The following PPARD variants were observed in gnomAD, a reference collection of about 807,000 sequenced individuals.
PPARD encodes the protein peroxisome proliferator activated receptor delta.
A neutral mutation model predicts 39.5 loss-of-function variants in PPARD; 6 were observed. That is an observed-to-expected ratio of 0.15 (90% CI 0.08 to 0.30). The LOEUF (loss-of-function observed/expected upper bound fraction) is 0.30, where lower values mean the gene tolerates loss of function less well. Among genes scored for constraint, PPARD ranks in the 10% least tolerant of loss-of-function variants. PPARD has a pLI of 1.00. For missense variants in PPARD, 397 were observed against 596.8 expected, an observed-to-expected ratio of 0.67 and a Z score of 3.49; for synonymous variants, 210 against 231.3, an observed-to-expected ratio of 0.91 and a Z score of 0.83.
At chr6:35,348,632 A>G in intron 2 of PPARD, 6 of 985,298 alleles carry the variant, frequency 6.1e-6, no homozygotes, top group Non-Finnish European at 7.2e-6. Context: ...CTCTGCCTTT[A>G]ACACCCTGCA....
At chr6:35,396,528 T>C (rs560873626) in intron 2 of PPARD, among the ~76,000 whole-genome samples, 1 of 126,770 alleles carries the variant, frequency 7.9e-6, no homozygotes, top group African/African-American at 4.3e-5. Flanking sequence ...TTAAATTGTT[T>C]TTATTAAAAA....
In PPARD at chr6:35,420,819, C is replaced by CTTTTTTTTTTTT. The variant is rs35852986; in HGVS notation, c.285+552_285+563dup. 1.6e-4 allele frequency among the ~76,000 whole-genome samples: 14 copies of CTTTTTTTTTTTT among 85,740 alleles called. 1 individual carries two copies. Among genetic ancestry groups the CTTTTTTTTTTTT allele is most frequent in the African/African-American group, 2.5e-4 (6 of 23,706 alleles). 56.2% of individuals were successfully genotyped at this position (85,740 alleles called of 152,430 possible). On this transcript the variant is annotated intron_variant, in intron 4 of 7. Transcript: ENST00000360694. ...TTATGTTACCAAACTAACAAAGAAGCTTTTTTTTTTTTTTTTTTTTTTTTT... is the reference window on the plus strand; with the variant it reads ...TTATGTTACCAAACTAACAAAGAAGCTTTTTTTTTTTTTTTTTTTTTTTTTTTTTTTTTTTTT...
In PPARD at chr6:35,348,691, T is replaced by C. The variant is rs986293435; in HGVS notation, c.-102+1541T>C. On this transcript the variant is annotated intron_variant, in intron 2 of 7. Transcript: ENST00000360694. ...TGGTGAGTCCCTGTGTCTCTCTGTC[T>C]GTGGGGGTCAGGTTGTTTGTAGATC... 5.1e-6 allele frequency: 5 copies of C among 985,252 alleles called. No homozygotes were observed. In the South Asian group the frequency reaches 2.3e-4, roughly 46 times the overall value. 61.0% of individuals were successfully genotyped at this position (985,252 alleles called of 1,614,324 possible). A position where few individuals can be genotyped will look rare whatever the true frequency, so the allele number is the denominator to read the frequency against.
At chr6:35,351,409 C>T (rs977651643) in intron 2 of PPARD, among the ~76,000 whole-genome samples, 2 of 152,118 alleles carry the variant, frequency 1.3e-5, no homozygotes, top group African/African-American at 2.4e-5. Flanking sequence ...GGGTGACATT[C>T]GTTAATATCA....
intron 2 of PPARD, among the ~76,000 whole-genome samples, chr6:35,347,455 G>C (rs1760931909): frequency 6.6e-6 from 1 of 152,130 alleles, no homozygotes; most frequent in African/African-American, 2.4e-5. Context: ...ATAGTGCCTG[G>C]CACAGAGGAG....
chr6:35,386,021 T>A (rs981620786), intron 2 of PPARD, among the ~76,000 whole-genome samples: 3 of 152,094 alleles, frequency 2.0e-5, no homozygotes, highest in Non-Finnish European at 4.4e-5. Flanking sequence ...GGTTGGACTG[T>A]GACCCTGGGC....
At position 35,363,664 on chromosome 6, in the gene PPARD, G is replaced by A. The variant is rs77646605; in HGVS notation, c.-102+16514G>A. On this transcript the variant is annotated intron_variant, in intron 2 of 7. Coordinates refer to ENST00000360694, the MANE Select transcript of PPARD (RefSeq NM_006238.5). This position sits in a 1 kb window ranked among gnomAD's most constrained non-coding sequence, Gnocchi z 4.5. ...AGAGTCAGAAAGTGGGAAGTCACGG[G>A]GGAGATGAAGGGCGAGTGAGCAGCT... Among the ~76,000 whole-genome samples, 1,717 of 152,232 alleles carry A rather than the reference G, an allele frequency of 0.011. 42 individuals carry two copies. The highest frequency in any genetic ancestry group is 0.038 in the African/African-American group (1,589 of 41,528).
chr6:35,361,600 T>C (rs1761930586), intron 2 of PPARD, among the ~76,000 whole-genome samples: 1 of 152,232 alleles, frequency 6.6e-6, no homozygotes, highest in Non-Finnish European at 1.5e-5. Context: ...CCAGTGATTG[T>C]TTGTGGAGCC....
Position 35,412,164 on chromosome 6 carries a change from C to G in PPARD, c.130+947C>G, listed in dbSNP as rs930944738. On this transcript the variant is annotated intron_variant, in intron 3 of 7. Coordinates refer to ENST00000360694, the MANE Select transcript of PPARD (RefSeq NM_006238.5). This position sits in a 1 kb window ranked among gnomAD's most constrained non-coding sequence, Gnocchi z 4.1. ...CAGGCTGGTCTCGAACCGCTGGGCTCAAGCAATCCACCCACCTCAGCCTCC... is the reference window on the plus strand; with the variant it reads ...CAGGCTGGTCTCGAACCGCTGGGCTGAAGCAATCCACCCACCTCAGCCTCC... Among the ~76,000 whole-genome samples, 1 of 152,168 alleles carries G rather than the reference C, an allele frequency of 6.6e-6. No homozygotes were observed. The highest frequency in any genetic ancestry group is 2.4e-5 in the African/African-American group (1 of 41,434).
At position 35,366,111 on chromosome 6, in the gene PPARD, G is replaced by A. The variant is rs920873984; in HGVS notation, c.-102+18961G>A. Reference sequence around the variant, plus strand: ...TCAGGTGTGACAGGGGAAATGAAGAGTATTAGTTATCTATTCCTGCATAAC... The same window carrying A: ...TCAGGTGTGACAGGGGAAATGAAGAATATTAGTTATCTATTCCTGCATAAC... On this transcript the variant is annotated intron_variant, in intron 2 of 7. Coordinates refer to ENST00000360694, the MANE Select transcript of PPARD (RefSeq NM_006238.5). This position sits in a 1 kb window ranked among gnomAD's most constrained non-coding sequence, Gnocchi z 4.6. Among the ~76,000 whole-genome samples the A allele has an allele frequency of 4.0e-5, 6 of 151,848 alleles. No homozygotes were observed. The highest frequency in any genetic ancestry group is 1.5e-4 in the African/African-American group (6 of 41,080).
intron 2 of PPARD, among the ~76,000 whole-genome samples, chr6:35,383,840 C>T (rs1763328384): frequency 6.8e-6 from 1 of 147,302 alleles, no homozygotes; most frequent in African/African-American, 2.6e-5. Flanking sequence ...CGGCAGCTGC[C>T]CCGTCTGAGA....
intron 2 of PPARD, among the ~76,000 whole-genome samples, chr6:35,382,982 G>A (rs6937483): frequency 0.028 from 4,263 of 152,314 alleles, 171 homozygotes; most frequent in African/African-American, 0.082. Flanking sequence ...GACTGCACCC[G>A]TATCAGAGTG....
intron 2 of PPARD, among the ~76,000 whole-genome samples, chr6:35,374,282 C>G (rs1386489060): frequency 6.3e-5 from 9 of 142,610 alleles, no homozygotes; most frequent in Non-Finnish European, 1.3e-4. Flanking sequence ...GGGTTTATTG[C>G]TAAGGTCATG....
chr6:35,400,141 G>T (rs552926749), intron 2 of PPARD, among the ~76,000 whole-genome samples: 1 of 152,306 alleles, frequency 6.6e-6, no homozygotes, highest in Non-Finnish European at 1.5e-5. Context: ...AAGTCTCTCT[G>T]CCCTGCAGAT....
At position 35,425,217 on chromosome 6, in the gene PPARD, T is replaced by C. The variant is rs112535791; in HGVS notation, c.1078+438T>C. ...TGAACCCGAGAGGTGGAGGTTGCAG[T>C]GAGCCAAAATCCCACCACTGCACTC... On this transcript the variant is annotated intron_variant, in intron 7 of 7. Coordinates refer to ENST00000360694, the MANE Select transcript of PPARD (RefSeq NM_006238.5). This position sits in a 1 kb window ranked among gnomAD's most constrained non-coding sequence, Gnocchi z 4.5. The C allele has an allele frequency of 2.4e-3, 2,358 of 978,020 alleles. 29 individuals carry two copies. In the African/African-American group the frequency reaches 0.026, roughly 11 times the overall value. 60.6% of individuals were successfully genotyped at this position (978,020 alleles called of 1,614,324 possible).
chr6:35,347,852 G>T (rs1296166954), intron 2 of PPARD, among the ~76,000 whole-genome samples: 6 of 148,488 alleles, frequency 4.0e-5, no homozygotes, highest in African/African-American at 1.5e-4. Flanking sequence ...CAGGTGATCC[G>T]CCCGCCTCAG....
intron 2 of PPARD, among the ~76,000 whole-genome samples, chr6:35,379,329 C>G (rs1763002347): frequency 6.6e-6 from 1 of 152,116 alleles, no homozygotes; most frequent in East Asian, 1.9e-4. Flanking sequence ...GTCTCGAACT[C>G]CTGACCTTGT....
chr6:35,424,516 GCCTCTTCCTCAACGACCAGGTTA>G lies in PPARD; in HGVS notation c.818_840del (p.Leu273ProfsTer35). The G allele has an allele frequency of 6.2e-7, 1 of 1,614,210 alleles. No homozygotes were observed. Among genetic ancestry groups the G allele is most frequent in the East Asian group, 2.2e-5 (1 of 44,886 alleles). On this transcript the variant is annotated frameshift_variant, in exon 7 of 8. Coordinates refer to ENST00000360694, the MANE Select transcript of PPARD (RefSeq NM_006238.5). LOFTEE classifies it high-confidence loss of function. The surrounding 1 kb of genome is among the most constrained non-coding windows in gnomAD (Gnocchi z 7.1). ...GCCAAGAGCATCCCCAGCTTCAGCA[GCCTCTTCCTCAACGACCAGGTTA>G]CCCTTCTCAAGTATGGCGTGCACGA...
At chr6:35,394,616 C>T (rs1305485826) in intron 2 of PPARD, among the ~76,000 whole-genome samples, 5 of 151,762 alleles carry the variant, frequency 3.3e-5, no homozygotes, top group Admixed American at 3.3e-4. Context: ...ACTAAAAATA[C>T]AAAAATTATC....
Sources: gnomAD v4.1 joint callset for allele counts (sites outside exome capture counted in the v4.1 genomes callset) on GRCh38, gnomAD v4.1.1 for gene constraint, Gnocchi (gnomAD v3.1) non-coding constraint, MANE v1.5 for transcripts, NCBI Gene and HGNC (gene_info 2026-07-23, HGNC 2026-07-21) for gene names.